The following MEGF11 variants were observed in gnomAD, a reference collection of about 807,000 sequenced individuals.
MEGF11 encodes the protein multiple EGF like domains 11.
Under a neutral mutation model 146.6 loss-of-function variants are expected in MEGF11, and 126 were observed. The observed-to-expected ratio is 0.86, with a 90% confidence interval of 0.74 to 1.00. The LOEUF (loss-of-function observed/expected upper bound fraction) is 1.00. MEGF11 is among the 50% of genes least tolerant of loss of function. The pLI is 0.00. For missense variants in MEGF11, 1,509 were observed against 1,521.2 expected (o/e 0.99, Z 0.13); for synonymous variants, 532 against 583.4 (o/e 0.91, Z 1.27).
chr15:66,067,190 T>C (rs984718731), intron 5 of MEGF11, among the ~76,000 whole-genome samples: 1 of 152,252 alleles, frequency 6.6e-6, no homozygotes, highest in Non-Finnish European at 1.5e-5. Context: ...GATGGATTTA[T>C]GAAGCTTTGC....
At chr15:66,111,859 A>G (rs1031511847) in intron 4 of MEGF11, among the ~76,000 whole-genome samples, 3 of 152,192 alleles carry the variant, frequency 2.0e-5, no homozygotes, top group Non-Finnish European at 4.4e-5. Flanking sequence ...CACACTTTAA[A>G]ATGATTTTAT....
chr15:66,082,927 C>A (rs4776278), intron 5 of MEGF11, among the ~76,000 whole-genome samples: 80,253 of 151,850 alleles, frequency 0.53, 21,828 homozygotes, highest in Non-Finnish European at 0.59. Flanking sequence ...CTGGCCCTGC[C>A]TATCTCCTTT....
rs944986894 is a variant in MEGF11, at chr15:66,252,212, G to A, written c.-9+1393C>T. On this transcript the variant is annotated intron_variant, in intron 1 of 25. Transcript: ENST00000395614. Reference sequence around the variant, plus strand: ...CGATTGCCCCAGCCGGCCGCCGCGAGCCGCACCCCCCGCCCCCCACCCCCC... The same window carrying A: ...CGATTGCCCCAGCCGGCCGCCGCGAACCGCACCCCCCGCCCCCCACCCCCC... 2.2e-3 allele frequency among the ~76,000 whole-genome samples: 326 copies of A among 149,904 alleles called. 2 individuals are homozygous for A. The highest frequency in any genetic ancestry group is 7.6e-3 in the African/African-American group (312 of 41,284).
At chr15:65,981,124 T>C (rs1355770310) in intron 6 of MEGF11, among the ~76,000 whole-genome samples, 2 of 150,740 alleles carry the variant, frequency 1.3e-5, no homozygotes, top group Admixed American at 6.6e-5. Context: ...ATGACTTAAG[T>C]GTTCTTAGTG....
chr15:66,087,076 G>A (rs943419100), intron 5 of MEGF11, among the ~76,000 whole-genome samples: 3 of 152,178 alleles, frequency 2.0e-5, no homozygotes, highest in African/African-American at 7.2e-5. Context: ...GAGAGACAAA[G>A]AGGGATATTA....
rs1377003440 is a variant in MEGF11 at position 65,945,116 on chromosome 15, G to A, written c.1287+12431C>T. Among the ~76,000 whole-genome samples the A allele has an allele frequency of 3.3e-5, 5 of 152,282 alleles. No homozygotes were observed. In the South Asian group the frequency reaches 6.2e-4, roughly 19 times the overall value. On this transcript the variant is annotated intron_variant, in intron 10 of 25. Transcript: ENST00000395614. ...TCACCACATTGGCTAGGCTGGTCTC[G>A]AACTTGTGACCTCAAGTGATCTGCC...
chr15:65,909,279 G>C (rs2078722669), intron 22 of MEGF11, 144 bp from the exon 23 acceptor site: 1 of 662,728 alleles, frequency 1.5e-6, no homozygotes. Flanking sequence ...AGCATCCAGA[G>C]GGGCCAGGGC....
At chr15:66,056,185 C>T (rs1053404241) in intron 5 of MEGF11, among the ~76,000 whole-genome samples, 1 of 151,872 alleles carries the variant, frequency 6.6e-6, no homozygotes. Context: ...CTAGTTAATG[C>T]CTTACCCAAT....
chr15:65,990,432 T>G (rs560935507), intron 5 of MEGF11, among the ~76,000 whole-genome samples: 7 of 151,646 alleles, frequency 4.6e-5, no homozygotes, highest in Non-Finnish European at 1.0e-4. Context: ...GTGCCTGTAG[T>G]CCCAACTACT....
At chr15:66,019,662 C>T (rs1245355643) in intron 5 of MEGF11, among the ~76,000 whole-genome samples, 2 of 152,240 alleles carry the variant, frequency 1.3e-5, no homozygotes, top group African/African-American at 2.4e-5. Context: ...CTGAGAGCTT[C>T]GGATGGAGAA....
chr15:66,062,164 C>T (rs1159063595), intron 5 of MEGF11, among the ~76,000 whole-genome samples: 2 of 152,222 alleles, frequency 1.3e-5, no homozygotes, highest in Non-Finnish European at 2.9e-5. Context: ...GGAGGAAGCT[C>T]TTTCCAGGCA....
chr15:66,066,683 G>T (rs931454829), intron 5 of MEGF11, among the ~76,000 whole-genome samples: 3 of 152,202 alleles, frequency 2.0e-5, no homozygotes, highest in African/African-American at 7.2e-5. Context: ...ACACCCCTAG[G>T]GGGGCTGGGA....
At chr15:65,915,209 A>G (rs896265350) in intron 19 of MEGF11, among the ~76,000 whole-genome samples, 1 of 152,220 alleles carries the variant, frequency 6.6e-6, no homozygotes, top group African/African-American at 2.4e-5. Flanking sequence ...TGGCCTTTCC[A>G]TAGTACTAGC....
chr15:66,077,682 C>T (rs1188292578), intron 5 of MEGF11, among the ~76,000 whole-genome samples: 1 of 152,180 alleles, frequency 6.6e-6, no homozygotes, highest in Non-Finnish European at 1.5e-5. Context: ...ATGAAGAGGC[C>T]TCAGGGGATA....
chr15:66,121,764 T>C (rs1042727585), intron 3 of MEGF11, among the ~76,000 whole-genome samples: 2 of 152,202 alleles, frequency 1.3e-5, no homozygotes, highest in Non-Finnish European at 2.9e-5. Flanking sequence ...GATTTATCCT[T>C]ATGGAGGACA....
chr15:66,023,252 C>A (rs1207717974), intron 5 of MEGF11, among the ~76,000 whole-genome samples: 1 of 152,140 alleles, frequency 6.6e-6, no homozygotes, highest in Non-Finnish European at 1.5e-5. Context: ...CCAGTAGCAG[C>A]TGCTTCTTGC....
intron 24 of MEGF11, among the ~76,000 whole-genome samples, chr15:65,904,590 A>G (rs940047142): frequency 2.0e-5 from 3 of 152,154 alleles, no homozygotes; most frequent in Admixed American, 1.3e-4. Context: ...ACTGTAGACG[A>G]CTAGCTGTTC....
At chr15:66,107,228 C>T (rs2087136144) in intron 4 of MEGF11, among the ~76,000 whole-genome samples, 2 of 152,200 alleles carry the variant, frequency 1.3e-5, no homozygotes, top group Non-Finnish European at 2.9e-5. Flanking sequence ...CTGAGCAAGG[C>T]TCTTGAAAGA....
intron 4 of MEGF11, among the ~76,000 whole-genome samples, chr15:66,111,731 A>G (rs1224065435): frequency 1.3e-5 from 2 of 152,250 alleles, no homozygotes; most frequent in African/African-American, 2.4e-5. Flanking sequence ...CACAAGAAAC[A>G]AAAAGCCAGG....
Sources: allele counts gnomAD v4.1 joint callset (sites outside exome capture counted in the v4.1 genomes callset), GRCh38; gene constraint gnomAD v4.1.1; transcripts MANE v1.5; gene names NCBI Gene and HGNC (gene_info 2026-07-23, HGNC 2026-07-21).